The following RPL13A variants were observed in gnomAD, a reference collection of about 807,000 sequenced individuals.
RPL13A encodes the protein ribosomal protein L13a, also known as large ribosomal subunit protein uL13.
RPL13A carries 4 observed loss-of-function variants against 30.8 expected under a neutral mutation model. The observed-to-expected ratio is 0.13, with a 90% confidence interval of 0.06 to 0.30. RPL13A has a LOEUF of 0.30. Among genes scored for constraint, RPL13A ranks in the 10% least tolerant of loss-of-function variants. RPL13A has a pLI of 1.00. For synonymous variants in RPL13A, 108 were observed against 104.2 expected (o/e 1.04, Z -0.22); for missense variants, 196 against 272.6 (o/e 0.72, Z 1.98).
Position 49,489,832 on chromosome 19 carries a change from T to C in RPL13A, c.16-18T>C. 3 of 1,553,916 alleles carry C rather than the reference T, an allele frequency of 1.9e-6. No individual in the cohort carries two copies. Among genetic ancestry groups the C allele is most frequent in the African/African-American group, 1.9e-5 (1 of 52,676 alleles). On this transcript the variant is annotated intron_variant, in intron 1 of 7. Transcript: ENST00000391857. ...GGCTGTCCTTGTCTCTGAGTCCTTTTGCCCTTGTCTCCCACAGGTCCTGGT... is the reference window on the plus strand; with the variant it reads ...GGCTGTCCTTGTCTCTGAGTCCTTTCGCCCTTGTCTCCCACAGGTCCTGGT...
rs1303535686 is a variant in RPL13A, at chr19:49,490,462, C to G, written c.155-13C>G. 1 of 1,612,868 alleles carries G rather than the reference C, an allele frequency of 6.2e-7. No homozygotes were observed. Among genetic ancestry groups the G allele is most frequent in the Non-Finnish European group, 8.5e-7 (1 of 1,178,994 alleles). On this transcript the variant is annotated splice_polypyrimidine_tract_variant and intron_variant, in intron 3 of 7. Coordinates refer to ENST00000391857, the MANE Select transcript of RPL13A (RefSeq NM_012423.4). ...GTAGACTGGGCAGGCCTCACACTCT[C>G]CCCTCTCCCTAGTGAAGTACCTGGC... is the stretch of plus-strand genomic sequence containing the variant.
intron 1 of RPL13A, 149 bp downstream of exon 1, chr19:49,487,793 A>G (rs2079820488): frequency 1.2e-6 from 1 of 867,594 alleles, no homozygotes; most frequent in Admixed American, 3.6e-5. Context: ...GGGAATCTGT[A>G]GGAAATGCCG....
chr19:49,487,615 A>T lies in RPL13A; in HGVS notation c.-15A>T. 1 of 1,576,414 alleles carries T rather than the reference A, an allele frequency of 6.3e-7. No individual in the cohort carries two copies. The highest frequency in any genetic ancestry group is 8.6e-7 in the Non-Finnish European group (1 of 1,161,916). Reference sequence around the variant, plus strand: ...CTGCGACAAAACCTCCTCCTTTTCCAAGCGGCTGCCGAAGATGGCGGAGGT... The same window carrying T: ...CTGCGACAAAACCTCCTCCTTTTCCTAGCGGCTGCCGAAGATGGCGGAGGT... On this transcript the variant is annotated 5_prime_UTR_variant, in exon 1 of 8. Coordinates refer to ENST00000391857, the MANE Select transcript of RPL13A (RefSeq NM_012423.4).
At chr19:49,489,784 G>A in intron 1 of RPL13A, 66 bp from the exon 2 acceptor site, 1 of 1,291,486 alleles carries the variant, frequency 7.7e-7, no homozygotes, top group East Asian at 2.3e-5. Context: ...AGAAGGGAAT[G>A]CTTGCTTGTG....
intron 2 of RPL13A, 46 bp downstream of exon 2, chr19:49,489,968 G>C (rs1464554202): frequency 2.8e-6 from 4 of 1,431,816 alleles, no homozygotes; most frequent in Non-Finnish European, 3.9e-6. Flanking sequence ...CCCGCTGGAG[G>C]TCAGTGATGA....
At chr19:49,490,930 C>G in intron 5 of RPL13A, 66 bp downstream of exon 5, 1 of 1,604,516 alleles carries the variant, frequency 6.2e-7, no homozygotes, top group Non-Finnish European at 8.5e-7. Context: ...CCGCAACTAC[C>G]TACATTGTTT....
In RPL13A at chr19:49,491,137, A is replaced by G. The variant is rs1489583416; in HGVS notation, c.402+38A>G. On this transcript the variant is annotated intron_variant, in intron 6 of 7. Coordinates refer to ENST00000391857, the MANE Select transcript of RPL13A (RefSeq NM_012423.4). ...TTACGCTGCACCATCTACTTGGGAG[A>G]TTTCAGGCCTGCTGAGGGACCTGGG... 7 of 1,611,346 alleles carry G rather than the reference A, an allele frequency of 4.3e-6. No individual in the cohort carries two copies. The African/African-American group carries it at 8.0e-5, about 18-fold the overall frequency.
At chr19:49,489,778 GGGAATGCTT>G in intron 1 of RPL13A, 63 bp from the exon 2 acceptor site, 1 of 1,237,902 alleles carries the variant, frequency 8.1e-7, no homozygotes, top group South Asian at 1.2e-5. Flanking sequence ...GACAAAAGAA[GGGAATGCTT>G]GCTTGTGAGG....
intron 1 of RPL13A, among the ~76,000 whole-genome samples, chr19:49,488,757 G>A (rs1278442704): frequency 6.6e-6 from 1 of 152,242 alleles, no homozygotes; most frequent in African/African-American, 2.4e-5. Context: ...CCAGGCTGGA[G>A]TGCAATGGTG....
At chr19:49,490,936 T>C in intron 5 of RPL13A, 72 bp downstream of exon 5, 1 of 1,604,226 alleles carries the variant, frequency 6.2e-7, no homozygotes. Context: ...CTACCTACAT[T>C]GTTTGATCCT....
intron 1 of RPL13A, among the ~76,000 whole-genome samples, chr19:49,489,561 C>T (rs563530695): frequency 1.3e-5 from 2 of 152,322 alleles, no homozygotes; most frequent in South Asian, 2.1e-4. Context: ...TCGTTCAAAT[C>T]CAATTGCTTT....
Position 49,491,789 on chromosome 19 carries a change from C to T in RPL13A, c.586C>T (p.Leu196Phe), listed in dbSNP as rs753837354. ...GAAAATTGACAAATACACAGAGGTC[C>T]TCAAGACCCACGGACTCCTGGTCTG... Reference protein sequence around the residue: ...EKKIDKYTEVLKTHGLLV With the variant: ...EKKIDKYTEVFKTHGLLV Residue 196 changes from leucine to phenylalanine, a missense_variant, in exon 8 of 8, where the codon CTC becomes TTC. By Grantham distance (22) the Leu-to-Phe change is conservative (BLOSUM62 0). Coordinates refer to ENST00000391857, the MANE Select transcript of RPL13A (RefSeq NM_012423.4). 3 of 1,611,668 alleles carry T rather than the reference C, an allele frequency of 1.9e-6. No individual in the cohort carries two copies. The highest frequency in any genetic ancestry group is 2.2e-5 in the East Asian group (1 of 44,854).
chr19:49,491,411 C>CCCCG lies in RPL13A; in HGVS notation c.403-11_403-10insGCCC. 1.4e-6 allele frequency: 1 copy of CCCCG among 716,692 alleles called. No homozygotes were observed. The highest frequency in any genetic ancestry group is 2.1e-6 in the Non-Finnish European group (1 of 475,972). 44.4% of individuals were successfully genotyped at this position (716,692 alleles called of 1,614,324 possible). A position where few individuals can be genotyped will look rare whatever the true frequency, so the allele number is the denominator to read the frequency against. On this transcript the variant is annotated splice_polypyrimidine_tract_variant and intron_variant, in intron 6 of 7. Transcript: ENST00000391857. ...ACAACTTCATTTGTTCACCCCCCCC[C>CCCCG]CCCCCCCCCGCAGTTTGCCTATCTG...
rs772359278 is a variant in RPL13A, at chr19:49,489,953, G to A, written c.88+31G>A. 5 of 1,561,604 alleles carry A rather than the reference G, an allele frequency of 3.2e-6. No homozygotes were observed. In the Admixed American group the frequency reaches 6.7e-5, roughly 21 times the overall value. Reference sequence around the variant, plus strand: ...TCGCTGCTCGTGGCCCCTCTGTCATGGGCCCCCGCTGGAGGTCAGTGATGA... The same window carrying A: ...TCGCTGCTCGTGGCCCCTCTGTCATAGGCCCCCGCTGGAGGTCAGTGATGA... On this transcript the variant is annotated intron_variant, in intron 2 of 7. Coordinates refer to ENST00000391857, the MANE Select transcript of RPL13A (RefSeq NM_012423.4).
At chr19:49,491,653 G>A in intron 7 of RPL13A, 76 bp from the exon 8 acceptor site, 1 of 1,576,006 alleles carries the variant, frequency 6.3e-7, no homozygotes, top group South Asian at 1.2e-5. Context: ...AGCCGGGGTT[G>A]GGGTGGGATG....
intron 3 of RPL13A, 81 bp downstream of exon 3, chr19:49,490,378 G>T: frequency 6.3e-7 from 1 of 1,587,272 alleles, no homozygotes; most frequent in Non-Finnish European, 8.6e-7. Flanking sequence ...CAGCCGTGTT[G>T]GGAGAGGCTA....
At chr19:49,490,420 G>A in intron 3 of RPL13A, 55 bp from the exon 4 acceptor site, 1 of 1,598,950 alleles carries the variant, frequency 6.3e-7, no homozygotes, top group Non-Finnish European at 8.6e-7. Flanking sequence ...CTTGGAAGTG[G>A]GGTTTTGGGG....
Position 49,491,279 on chromosome 19 carries a change from C to T in RPL13A, c.403-146C>T, listed in dbSNP as rs115676520. 2.3e-3 allele frequency: 2,624 copies of T among 1,164,262 alleles called. 49 individuals are homozygous for T. The African/African-American group carries it at 0.033, about 15-fold the overall frequency. The allele number at this position is 1,164,262 out of a possible 1,614,324, so 72.1% of individuals were successfully genotyped here. A position where few individuals can be genotyped will look rare whatever the true frequency, so the allele number is the denominator to read the frequency against. ...CCAGGAGGCTTGGGTGGGTGCTTTTCTAACAGGCCTGCAGAGAACAGTTGC... is the reference window on the plus strand; with the variant it reads ...CCAGGAGGCTTGGGTGGGTGCTTTTTTAACAGGCCTGCAGAGAACAGTTGC... On this transcript the variant is annotated intron_variant, in intron 6 of 7. Coordinates refer to ENST00000391857, the MANE Select transcript of RPL13A (RefSeq NM_012423.4).
chr19:49,489,907 A>C lies in RPL13A; in HGVS notation c.73A>C (p.Lys25Gln). Residue 25 changes from lysine (K) to glutamine (Q), a missense_variant, in exon 2 of 8, where the codon AAA becomes CAA. Coordinates refer to ENST00000391857, the MANE Select transcript of RPL13A (RefSeq NM_012423.4). Reference protein sequence around the residue: ...LLGRLAAIVAKQVLLGRKVVV... With the variant: ...LLGRLAAIVAQQVLLGRKVVV... ...GGGCCGCCTGGCGGCCATCGTGGCT[A>C]AACAGGTACTGCTGGGTAAGTCGCT... is the stretch of plus-strand genomic sequence containing the variant. 2 of 1,613,812 alleles carry C rather than the reference A, an allele frequency of 1.2e-6. No individual in the cohort carries two copies. Among genetic ancestry groups the C allele is most frequent in the Non-Finnish European group, 1.7e-6 (2 of 1,179,684 alleles).
Sources: allele counts gnomAD v4.1 joint callset (sites outside exome capture counted in the v4.1 genomes callset), GRCh38; gene constraint gnomAD v4.1.1; transcripts MANE v1.5; gene names NCBI Gene and HGNC (gene_info 2026-07-23, HGNC 2026-07-21).